Variants in CNR2 observed in about 807,000 individuals in gnomAD.
The protein encoded by CNR2 is cannabinoid receptor 2 (macrophage).
For synonymous variants in CNR2, 172 were observed against 182.2 expected (o/e 0.94, Z 0.45); for missense variants, 379 against 439.9 (o/e 0.86, Z 1.24).
chr1:23,896,112 C>T (rs1319478383), intron 1 of CNR2, among the ~76,000 whole-genome samples: 1 of 152,174 alleles, frequency 6.6e-6, no homozygotes, highest in East Asian at 1.9e-4. Flanking sequence ...GATCCTCCCG[C>T]CTTGGTCTCC....
intron 1 of CNR2, among the ~76,000 whole-genome samples, chr1:23,896,105 C>A (rs1313721477): frequency 6.6e-6 from 1 of 152,062 alleles, no homozygotes; most frequent in Non-Finnish European, 1.5e-5. Flanking sequence ...CTTAAGTGAT[C>A]CTCCCGCCTT....
rs5773059 is a variant in CNR2, at chr1:23,886,896, G to GT, written c.-45-11235dup. ...GACAGACACCCTTTGCGGTTTTTTT[G>GT]TTTTTTTTGTTTTTTATTTTTGTTT... On this transcript the variant is annotated intron_variant, in intron 1 of 1. Transcript: ENST00000374472. Among the ~76,000 whole-genome samples, 63 of 151,874 alleles carry GT rather than the reference G, an allele frequency of 4.1e-4. No individual in the cohort carries two copies. The East Asian group carries it at 4.3e-3, about 10-fold the overall frequency.
At chr1:23,887,684 CTG>C (rs1234941352) in intron 1 of CNR2, among the ~76,000 whole-genome samples, 1 of 152,018 alleles carries the variant, frequency 6.6e-6, no homozygotes, top group Non-Finnish European at 1.5e-5. Context: ...AGGGTGAAGA[CTG>C]TGTCTGAACA....
chr1:23,910,758 A>G (rs968883876), intron 1 of CNR2, among the ~76,000 whole-genome samples: 12 of 151,974 alleles, frequency 7.9e-5, no homozygotes, highest in African/African-American at 1.9e-4. Flanking sequence ...TGGGAATGCT[A>G]TGATAGCGTC....
chr1:23,879,710 G>C (rs1030712950), intron 1 of CNR2, among the ~76,000 whole-genome samples: 2 of 151,994 alleles, frequency 1.3e-5, no homozygotes, highest in African/African-American at 4.8e-5. Flanking sequence ...TAGGAAGTGG[G>C]TAAAGACATT....
chr1:23,886,880 C>T (rs755219519), intron 1 of CNR2, among the ~76,000 whole-genome samples: 4 of 142,120 alleles, frequency 2.8e-5, no homozygotes, highest in Admixed American at 7.4e-5. Context: ...AGACAGACAC[C>T]CTTTGCGGTT....
Position 23,870,735 on chromosome 1 carries a change from A to G in CNR2, c.*3800T>C, listed in dbSNP as rs1639748326. 6.6e-6 allele frequency: 1 copy of G among 152,240 alleles called. No individual in the cohort carries two copies. Among genetic ancestry groups the G allele is most frequent in the African/African-American group, 2.4e-5 (1 of 41,418 alleles). The allele number at this position is 152,240 out of a possible 1,614,324, so 9.4% of individuals were successfully genotyped here. On this transcript the variant is annotated 3_prime_UTR_variant, in exon 2 of 2. Transcript: ENST00000374472. Reference sequence around the variant, plus strand: ...GGACACCATCTCGTTTGTCTCCCTGAGCAAGTCTTGTCCACTGTCTGGGCC... The same window carrying G: ...GGACACCATCTCGTTTGTCTCCCTGGGCAAGTCTTGTCCACTGTCTGGGCC...
At chr1:23,907,833 T>C (rs920560598) in intron 1 of CNR2, 2 of 152,008 alleles carry the variant, frequency 1.3e-5, no homozygotes, top group Non-Finnish European at 2.9e-5. Context: ...CTGTCTTTAA[T>C]CATTGGCTCA....
At chr1:23,884,804 A>ATT (rs34296408) in intron 1 of CNR2, among the ~76,000 whole-genome samples, 2,655 of 149,104 alleles carry the variant, frequency 0.018, 51 homozygotes, top group African/African-American at 0.052. Flanking sequence ...CTCAAAAACA[A>ATT]TTTTTTTTTT....
chr1:23,874,553 T>A lies in CNR2; in HGVS notation c.1065A>T (p.Leu355=). The A allele has an allele frequency of 6.2e-7, 1 of 1,613,916 alleles. No homozygotes were observed. The highest frequency in any genetic ancestry group is 8.5e-7 in the Non-Finnish European group (1 of 1,179,928). ...KITPWPDSRD[L]DLSDC ...GGCCTCATCAGCAATCAGAGAGGTC[T>A]AGATCTCTGGAATCTGGCCACGGAG... Residue 355 remains leucine, a synonymous_variant, in exon 2 of 2, where the codon CTA becomes CTT. Coordinates refer to ENST00000374472, the MANE Select transcript of CNR2 (RefSeq NM_001841.3).
intron 1 of CNR2, chr1:23,902,733 G>C: frequency 2.6e-6 from 4 of 1,558,498 alleles, no homozygotes; most frequent in Non-Finnish European, 3.5e-6. Context: ...CTCGCGCAGC[G>C]TGGGGGACCG....
intron 1 of CNR2, among the ~76,000 whole-genome samples, chr1:23,910,266 G>C (rs1557537072): frequency 6.6e-6 from 1 of 151,444 alleles, no homozygotes; most frequent in Non-Finnish European, 1.5e-5. Flanking sequence ...CGGCCCCTTG[G>C]ATAAGTCTTA....
chr1:23,882,779 C>G (rs1640015802), intron 1 of CNR2, among the ~76,000 whole-genome samples: 1 of 151,994 alleles, frequency 6.6e-6, no homozygotes, highest in South Asian at 2.1e-4. Context: ...AAGATTGTGC[C>G]ACTGCACTCC....
At chr1:23,881,528 G>C (rs1340051792) in intron 1 of CNR2, among the ~76,000 whole-genome samples, 1 of 151,194 alleles carries the variant, frequency 6.6e-6, no homozygotes, top group Non-Finnish European at 1.5e-5. Context: ...AGGAGGCGGA[G>C]GCTGCAATGA....
chr1:23,879,816 C>T (rs937228587), intron 1 of CNR2, among the ~76,000 whole-genome samples: 3 of 151,996 alleles, frequency 2.0e-5, no homozygotes, highest in African/African-American at 7.2e-5. Context: ...TAATCAGGCC[C>T]ATTTCTAATC....
chr1:23,885,891 G>C (rs1422848323), intron 1 of CNR2, among the ~76,000 whole-genome samples: 1 of 51,210 alleles, frequency 2.0e-5, no homozygotes, highest in Non-Finnish European at 4.5e-5. Flanking sequence ...AAAGAAAAAG[G>C]GTGGCGGCGG....
intron 1 of CNR2, among the ~76,000 whole-genome samples, chr1:23,884,622 C>A (rs2148461800): frequency 6.6e-6 from 1 of 150,752 alleles, no homozygotes; most frequent in East Asian, 2.0e-4. Flanking sequence ...CTAGTTTAAT[C>A]CCCGCAACTC....
intron 1 of CNR2, among the ~76,000 whole-genome samples, chr1:23,906,576 C>T (rs564127569): frequency 7.0e-6 from 1 of 143,058 alleles, no homozygotes; most frequent in Non-Finnish European, 1.5e-5. Context: ...GGAGTTTTGC[C>T]ACGTTGCCCA....
In CNR2 at chr1:23,874,958, C is replaced by A; in HGVS notation, c.660G>T (p.Val220=). The change falls in exon 2 of 2, where the codon GTG becomes GTT. Residue 220 remains valine, a synonymous_variant. Transcript: ENST00000374472. ...TGTCCTGGTGGCCAGACAAGCTGGC[C>A]ACATGCTGATGGGCCTTCCAGAGAA... The part of the protein sequence containing the change: ...GHVLWKAHQH[V]ASLSGHQDRQ... 1 of 1,610,156 alleles carries A rather than the reference C, an allele frequency of 6.2e-7. No homozygotes were observed. The highest frequency in any genetic ancestry group is 8.5e-7 in the Non-Finnish European group (1 of 1,177,686).
Sources: allele counts gnomAD v4.1 joint callset (sites outside exome capture counted in the v4.1 genomes callset), GRCh38; gene constraint gnomAD v4.1.1; transcripts MANE v1.5; gene names NCBI Gene and HGNC (gene_info 2026-07-23, HGNC 2026-07-21).